The following FAM133B variants were observed in gnomAD, a reference collection of about 807,000 sequenced individuals.
The protein encoded by FAM133B is family with sequence similarity 133 member B.
Under a neutral mutation model 46.4 loss-of-function variants are expected in FAM133B, and 25 were observed. The ratio of observed to expected loss-of-function variants is 0.54; its 90% CI spans 0.39 to 0.75. FAM133B has a LOEUF of 0.75. FAM133B is among the 30% of genes least tolerant of loss of function. FAM133B has a pLI of 0.00. For missense variants in FAM133B, 205 were observed against 277.6 expected, an observed-to-expected ratio of 0.74 and a Z score of 1.86; for synonymous variants, 75 against 86.0, an observed-to-expected ratio of 0.87 and a Z score of 0.71.
chr7:92,576,161 A>G (rs931840878), intron 7 of FAM133B, among the ~76,000 whole-genome samples: 1 of 152,200 alleles, frequency 6.6e-6, no homozygotes, highest in Admixed American at 6.5e-5. Context: ...TTGAGGAGGC[A>G]ACAATTTCTG....
chr7:92,572,644 G>A (rs904927812), intron 8 of FAM133B, among the ~76,000 whole-genome samples: 1 of 152,122 alleles, frequency 6.6e-6, no homozygotes, highest in African/African-American at 2.4e-5. Context: ...GCTTGAACCC[G>A]GGAAGTGGAG....
At chr7:92,578,264 T>C in intron 4 of FAM133B, 55 bp downstream of exon 4, 1 of 1,603,094 alleles carries the variant, frequency 6.2e-7, no homozygotes. Context: ...TACAGCATTA[T>C]TATGAAAATC....
At chr7:92,571,753 C>T (rs930689961) in intron 8 of FAM133B, among the ~76,000 whole-genome samples, 2 of 152,184 alleles carry the variant, frequency 1.3e-5, no homozygotes, top group African/African-American at 2.4e-5. Flanking sequence ...ATTGTTTTGT[C>T]TATTCCTGTA....
Position 92,579,289 on chromosome 7 carries a change from A to AT in FAM133B, c.201+27dup, listed in dbSNP as rs766548029. ...CCACCATAACTGGCCAAATTAGTCT[A>AT]TTTTTTTAACAGGTACTTTTTACAA... On this transcript the variant is annotated intron_variant, in intron 3 of 10. Coordinates refer to ENST00000445716, the MANE Select transcript of FAM133B (RefSeq NM_152789.4). The AT allele has an allele frequency of 2.6e-5, 42 of 1,592,052 alleles. No individual in the cohort carries two copies. The East Asian group carries it at 6.1e-4, about 23-fold the overall frequency.
intron 1 of FAM133B, among the ~76,000 whole-genome samples, chr7:92,587,903 C>G (rs908218897): frequency 2.0e-5 from 3 of 151,878 alleles, no homozygotes; most frequent in Non-Finnish European, 4.4e-5. Flanking sequence ...AGGCTATGCA[C>G]GAGTGGGGTC....
intron 8 of FAM133B, among the ~76,000 whole-genome samples, chr7:92,572,274 C>T (rs142856601): frequency 3.3e-5 from 5 of 152,318 alleles, no homozygotes; most frequent in Admixed American, 2.0e-4. Flanking sequence ...TGACATCTCC[C>T]TGGGTTGACA....
intron 8 of FAM133B, among the ~76,000 whole-genome samples, chr7:92,574,890 C>T (rs10230853): frequency 0.013 from 1,827 of 144,720 alleles, 41 homozygotes; most frequent in African/African-American, 0.046. Context: ...CCGGCCTGGG[C>T]GACAGAGCGA....
chr7:92,564,070 G>T (rs1367071201), intron 10 of FAM133B, among the ~76,000 whole-genome samples: 1 of 152,106 alleles, frequency 6.6e-6, no homozygotes, highest in Non-Finnish European at 1.5e-5. Context: ...ATGTAAGTAA[G>T]CCTCTGCTTA....
chr7:92,587,455 G>A (rs1450277714), intron 1 of FAM133B, among the ~76,000 whole-genome samples: 2 of 152,164 alleles, frequency 1.3e-5, no homozygotes, highest in African/African-American at 2.4e-5. Context: ...ATTGGTGAAC[G>A]CATGTGGTGG....
intron 1 of FAM133B, among the ~76,000 whole-genome samples, chr7:92,583,810 A>G (rs1794958161): frequency 6.6e-6 from 1 of 151,876 alleles, no homozygotes; most frequent in African/African-American, 2.4e-5. Context: ...GCACTTTGGG[A>G]GGCTGGGGCG....
chr7:92,573,464 C>CTT (rs113673654), intron 8 of FAM133B, among the ~76,000 whole-genome samples: 1 of 144,472 alleles, frequency 6.9e-6, no homozygotes, highest in Non-Finnish European at 1.5e-5. Context: ...CTTTTTTCTT[C>CTT]TTTTTTTTTT....
intron 8 of FAM133B, among the ~76,000 whole-genome samples, chr7:92,571,092 A>G (rs1794514070): frequency 6.6e-6 from 1 of 152,216 alleles, no homozygotes; most frequent in Admixed American, 6.5e-5. Context: ...TTTGCTATTA[A>G]AAACAAAGTT....
chr7:92,585,882 A>G (rs191022475), intron 1 of FAM133B, among the ~76,000 whole-genome samples: 63 of 152,298 alleles, frequency 4.1e-4, no homozygotes, highest in African/African-American at 1.5e-3. Flanking sequence ...TCCAACCACA[A>G]TACTGCCACT....
intron 1 of FAM133B, among the ~76,000 whole-genome samples, chr7:92,588,436 G>T (rs1037328974): frequency 6.6e-6 from 1 of 152,184 alleles, no homozygotes; most frequent in African/African-American, 2.4e-5. Context: ...CTCCTATGCT[G>T]AAATGGTGTT....
rs1399000291 is a variant in FAM133B at position 92,581,374 on chromosome 7, A to G, written c.122+132T>C. ...GTTTCACACATTCAAAAGAAAGCACATATCAAATGTTACTTAAAAAAATTA... is the reference window on the plus strand; with the variant it reads ...GTTTCACACATTCAAAAGAAAGCACGTATCAAATGTTACTTAAAAAAATTA... On this transcript the variant is annotated intron_variant, in intron 2 of 10. Coordinates refer to ENST00000445716, the MANE Select transcript of FAM133B (RefSeq NM_152789.4). 4.3e-6 allele frequency: 3 copies of G among 695,588 alleles called. No individual in the cohort carries two copies. The East Asian group carries it at 8.4e-5, about 19-fold the overall frequency. The allele number at this position is 695,588 out of a possible 1,614,324, so 43.1% of individuals were successfully genotyped here.
chr7:92,566,520 T>C (rs570613093), intron 9 of FAM133B, among the ~76,000 whole-genome samples: 4 of 151,548 alleles, frequency 2.6e-5, no homozygotes, highest in African/African-American at 9.7e-5. Context: ...CATGTGCCTG[T>C]AGTCCCAGCT....
chr7:92,580,969 C>T (rs1383337398), intron 2 of FAM133B, among the ~76,000 whole-genome samples: 5 of 152,182 alleles, frequency 3.3e-5, no homozygotes, highest in Admixed American at 3.3e-4. Flanking sequence ...TTTTCAGGGG[C>T]ACTTGGGATT....
chr7:92,579,091 TA>T, intron 3 of FAM133B: 1 of 465,628 alleles, frequency 2.1e-6, no homozygotes. Context: ...ATAACACTTC[TA>T]AAATACAGAA....
At chr7:92,586,061 T>C (rs572253181) in intron 1 of FAM133B, among the ~76,000 whole-genome samples, 2 of 152,340 alleles carry the variant, frequency 1.3e-5, no homozygotes, top group East Asian at 1.9e-4. Flanking sequence ...CTGTGTACTA[T>C]CAAACTGCTT....
Sources: allele counts gnomAD v4.1 joint callset (sites outside exome capture counted in the v4.1 genomes callset), GRCh38; gene constraint gnomAD v4.1.1; transcripts MANE v1.5; gene names NCBI Gene and HGNC (gene_info 2026-07-23, HGNC 2026-07-21).